Variants in SPTBN5 observed in about 807,000 individuals in gnomAD.
SPTBN5 encodes spectrin beta, non-erythrocytic 5, also known as spectrin beta chain, non-erythrocytic 5.
SPTBN5 carries 513 observed loss-of-function variants against 477.6 expected under a neutral mutation model. The ratio of observed to expected loss-of-function variants is 1.07; its 90% CI spans 1.00 to 1.16. The LOEUF (loss-of-function observed/expected upper bound fraction) is 1.16. Ranked by LOEUF, SPTBN5 falls within the 50% of genes most tolerant of loss-of-function variation. SPTBN5 has a pLI of 0.00. For missense variants in SPTBN5, 5,062 were observed against 4,731.8 expected (o/e 1.07, Z -2.05); for synonymous variants, 2,169 against 2,011.7 (o/e 1.08, Z -2.09).
At chr15:41,876,039 T>G in intron 21 of SPTBN5, 75 bp downstream of exon 21, 8 of 1,526,234 alleles carry the variant, frequency 5.2e-6, no homozygotes, top group Non-Finnish European at 7.1e-6. Flanking sequence ...GACTCTTCCA[T>G]GAAAACAGGT....
chr15:41,890,098 G>T lies in SPTBN5; in HGVS notation c.492C>A (p.Ser164=), dbSNP rs1391451172. ...GGGGACTGAGCCATACCTTGTCCAA[G>T]GAGATGTGGGAGATCTGGAAACGCA... ...IILRFQISHI[S]LDKEEFGASA... The change falls in exon 4 of 68, where the codon TCC becomes TCA. Residue 164 remains serine (S), a synonymous_variant. Coordinates refer to ENST00000320955, the MANE Select transcript of SPTBN5 (RefSeq NM_016642.4). 3 of 1,609,660 alleles carry T rather than the reference G, an allele frequency of 1.9e-6. No homozygotes were observed. The highest frequency in any genetic ancestry group is 2.5e-6 in the Non-Finnish European group (3 of 1,177,546).
chr15:41,870,082 T>C, intron 31 of SPTBN5, 62 bp from the exon 32 acceptor site: 1 of 1,453,910 alleles, frequency 6.9e-7, no homozygotes, highest in Non-Finnish European at 9.1e-7. Context: ...CCCACAGATG[T>C]ATCCCTTGCC....
rs1567218710 is a variant in SPTBN5, at chr15:41,877,266, C to T, written c.3561G>A (p.Gly1187=). Residue 1187 remains glycine (G), a synonymous_variant, in exon 18 of 68, where the codon GGG becomes GGA. Transcript: ENST00000320955. The part of the protein sequence containing the change: ...QEVPNTLRVL[G]QQGQELKVLW... ...AAACCTTCAGCTCCTGGCCCTGCTG[C>T]CCCAGGACCCTCAGAGTGTTGGGCA... is the stretch of plus-strand genomic sequence containing the variant. 6.2e-7 allele frequency: 1 copy of T among 1,613,940 alleles called. No homozygotes were observed. The highest frequency in any genetic ancestry group is 8.5e-7 in the Non-Finnish European group (1 of 1,179,872).
rs375345920 is a variant in SPTBN5 at position 41,857,226 on chromosome 15, G to C, written c.8621+12C>G. 6.3e-6 allele frequency: 10 copies of C among 1,579,192 alleles called. No homozygotes were observed. The highest frequency in any genetic ancestry group is 8.6e-6 in the Non-Finnish European group (10 of 1,160,136). Reference sequence around the variant, plus strand: ...GGCAGGGAAGAGAAGCTGAGGGCACGGGTGGATCTACCTCTGAAGCAGCCG... The same window carrying C: ...GGCAGGGAAGAGAAGCTGAGGGCACCGGTGGATCTACCTCTGAAGCAGCCG... On this transcript the variant is annotated intron_variant, in intron 51 of 67. Coordinates refer to ENST00000320955, the MANE Select transcript of SPTBN5 (RefSeq NM_016642.4).
intron 65 of SPTBN5, 45 bp from the exon 66 acceptor site, chr15:41,850,984 A>AC (rs1252061910): frequency 2.5e-6 from 4 of 1,586,606 alleles, no homozygotes; most frequent in African/African-American, 2.7e-5. Context: ...CCCTTTGGGG[A>AC]CCCCCACGCC....
intron 55 of SPTBN5, 86 bp from the exon 56 acceptor site, chr15:41,855,062 G>T: frequency 6.9e-7 from 1 of 1,458,480 alleles, no homozygotes; most frequent in South Asian, 1.4e-5. Context: ...GACTCTGATG[G>T]CTCTGAAATC....
chr15:41,855,836 G>C, intron 53 of SPTBN5, 91 bp from the exon 54 acceptor site: 1 of 1,346,230 alleles, frequency 7.4e-7, no homozygotes, highest in East Asian at 2.5e-5. Flanking sequence ...CTGCACAGGG[G>C]AATCACCTGG....
chr15:41,863,013 T>C, intron 41 of SPTBN5, 110 bp from the exon 42 acceptor site: 2 of 988,420 alleles, frequency 2.0e-6, no homozygotes, highest in South Asian at 2.9e-5. Flanking sequence ...CCCAGCGTGA[T>C]TTCCTGGCCC....
In SPTBN5 at chr15:41,869,903, G is replaced by A. The variant is rs572942809; in HGVS notation, c.5791C>T (p.Arg1931Cys). ...VTQAWAVLQR[R>C]MEQRRAQLER... is the part of the protein sequence containing the mutation. Reference sequence around the variant, plus strand: ...AGCTGGGCCCTGCGCTGCTCCATGCGTCGCTGCAGCACTGCCCACGCCTGC... The same window carrying A: ...AGCTGGGCCCTGCGCTGCTCCATGCATCGCTGCAGCACTGCCCACGCCTGC... The change falls in exon 32 of 68, where the codon CGC becomes TGC. Residue 1931 changes from arginine (R) to cysteine (C), a missense_variant. Coordinates refer to ENST00000320955, the MANE Select transcript of SPTBN5 (RefSeq NM_016642.4). 6.4e-6 allele frequency: 10 copies of A among 1,552,268 alleles called. No individual in the cohort carries two copies. Among genetic ancestry groups the A allele is most frequent in the African/African-American group, 1.4e-5 (1 of 73,298 alleles).
At position 41,848,339 on chromosome 15, in the gene SPTBN5, C is replaced by G. The variant is rs1420520255; in HGVS notation, c.*277G>C. The G allele has an allele frequency of 5.4e-6, 3 of 557,392 alleles. No individual in the cohort carries two copies. The African/African-American group carries it at 5.7e-5, about 11-fold the overall frequency. 34.5% of individuals were successfully genotyped at this position (557,392 alleles called of 1,614,324 possible). ...CAAGCAAGGAGGAGGCCACATGGGC[C>G]TGGGGTAGCCCTGGCCTTGCCCACC... On this transcript the variant is annotated 3_prime_UTR_variant, in exon 68 of 68. Transcript: ENST00000320955.
At chr15:41,889,444 G>A (rs1387165437) in intron 4 of SPTBN5, among the ~76,000 whole-genome samples, 1 of 151,928 alleles carries the variant, frequency 6.6e-6, no homozygotes, top group African/African-American at 2.4e-5. Flanking sequence ...TTGAGACACG[G>A]TCTCACTCTG....
In SPTBN5 at chr15:41,849,740, C is replaced by G. The variant is rs1042727636; in HGVS notation, c.11012+129G>C. The G allele has an allele frequency of 5.6e-6, 4 of 710,158 alleles. No homozygotes were observed. The African/African-American group carries it at 7.1e-5, about 13-fold the overall frequency. The allele number at this position is 710,158 out of a possible 1,614,324, so 44.0% of individuals were successfully genotyped here. ...GAGTGGGCAGGGGCAGCTGAGGGTT[C>G]CAATAGCATTTCCCTACAGCCCAAC... On this transcript the variant is annotated intron_variant, in intron 67 of 67. Transcript: ENST00000320955.
At chr15:41,849,197 C>G (rs1287551858) in intron 67 of SPTBN5, among the ~76,000 whole-genome samples, 1 of 152,224 alleles carries the variant, frequency 6.6e-6, no homozygotes, top group Non-Finnish European at 1.5e-5. Flanking sequence ...GAGCCTGAAG[C>G]CCTCTGGTTT....
Position 41,853,093 on chromosome 15 carries a change from A to G in SPTBN5, c.10171-93T>C, listed in dbSNP as rs1051629347. ...GAGAGCCAAGTGTTAATGGAAGTGC[A>G]GAGGGAAGGCTGTGAGACCCGCACC... On this transcript the variant is annotated intron_variant, in intron 59 of 67. Transcript: ENST00000320955. 3.1e-5 allele frequency: 45 copies of G among 1,439,596 alleles called. No homozygotes were observed. The South Asian group carries it at 6.2e-4, about 20-fold the overall frequency. 89.2% of individuals were successfully genotyped at this position (1,439,596 alleles called of 1,614,324 possible).
In SPTBN5 at chr15:41,861,745, A is replaced by G; in HGVS notation, c.7727T>C (p.Leu2576Pro). The G allele has an allele frequency of 6.5e-7, 1 of 1,546,622 alleles. No homozygotes were observed. The highest frequency in any genetic ancestry group is 8.7e-7 in the Non-Finnish European group (1 of 1,149,734). ...TGGGACTGTGCCTGCCTGTAGCTCC[A>G]GGGCCTGCTGCAGCTGTAGCTGATG... ...QEHQLQLQQA[L>P]ELQLFLSSVE... is the part of the protein sequence containing the mutation. Residue 2576 changes from leucine to proline, a missense_variant, in exon 45 of 68, where the codon CTG (leucine) becomes CCG (proline). Transcript: ENST00000320955.
chr15:41,868,732 G>A (rs1034477994), intron 32 of SPTBN5, 131 bp from the exon 33 acceptor site: 1 of 799,838 alleles, frequency 1.3e-6, no homozygotes, highest in Non-Finnish European at 2.0e-6. Context: ...AGGGCCTCGG[G>A]TGAGGCACAT....
Position 41,882,304 on chromosome 15 carries a change from C to A in SPTBN5, c.2212G>T (p.Gly738Cys). 1 of 1,525,424 alleles carries A rather than the reference C, an allele frequency of 6.6e-7. No homozygotes were observed. Among genetic ancestry groups the A allele is most frequent in the Non-Finnish European group, 8.8e-7 (1 of 1,140,204 alleles). 94.5% of individuals were successfully genotyped at this position (1,525,424 alleles called of 1,614,324 possible). Residue 738 changes from glycine (G) to cysteine (C), a missense_variant, in exon 11 of 68, where the codon GGC (glycine) becomes TGC (cysteine). By Grantham distance (159) the Gly-to-Cys change is radical. Coordinates refer to ENST00000320955, the MANE Select transcript of SPTBN5 (RefSeq NM_016642.4). Reference protein sequence around the residue: ...QLLQTRVVGRGARLQTALLVL... With the variant: ...QLLQTRVVGRCARLQTALLVL... ...AGCAGGGCTGTCTGCAGCCGTGCGCCCCGCCCCACCACCCGGGTCTGGAGC... is the reference window on the plus strand; with the variant it reads ...AGCAGGGCTGTCTGCAGCCGTGCGCACCGCCCCACCACCCGGGTCTGGAGC...
chr15:41,861,981 A>G (rs1233406461), intron 44 of SPTBN5, 58 bp from the exon 45 acceptor site: 32 of 1,555,442 alleles, frequency 2.1e-5, no homozygotes, highest in Non-Finnish European at 2.6e-5. Flanking sequence ...CAGGCAGGAG[A>G]GAGGTGGGGA....
rs1349233833 is a variant in SPTBN5, at chr15:41,882,047, G to T, written c.2346C>A (p.Thr782=). ...CCAGCCGCACGTGGCGCCTCAGCAG[G>T]GTCTCGGCGGCCGCCTGGTCCTGAC... ...SCGQDQAAAE[T]LLRRHVRLER... Residue 782 remains threonine, a synonymous_variant, in exon 12 of 68, where the codon ACC becomes ACA. Transcript: ENST00000320955. The T allele has an allele frequency of 1.3e-6, 2 of 1,556,628 alleles. No homozygotes were observed. Among genetic ancestry groups the T allele is most frequent in the African/African-American group, 1.4e-5 (1 of 71,462 alleles).
Sources: allele counts gnomAD v4.1 joint callset (sites outside exome capture counted in the v4.1 genomes callset), GRCh38; gene constraint gnomAD v4.1.1; transcripts MANE v1.5; gene names NCBI Gene and HGNC (gene_info 2026-07-23, HGNC 2026-07-21).